The following MAGI2 variants were observed in gnomAD, a reference collection of about 807,000 sequenced individuals.
MAGI2 encodes membrane-associated guanylate kinase, WW and PDZ domain-containing protein 2.
Under a neutral mutation model 133.3 loss-of-function variants are expected in MAGI2, and 35 were observed. The ratio of observed to expected loss-of-function variants is 0.26; its 90% CI spans 0.20 to 0.35. MAGI2 has a LOEUF of 0.35. MAGI2 is among the 10% of genes least tolerant of loss of function. MAGI2 has a pLI of 1.00. For synonymous variants in MAGI2, 729 were observed against 710.6 expected (o/e 1.03, Z -0.41); for missense variants, 1,636 against 1,863.4 (o/e 0.88, Z 2.25).
At chr7:79,294,895 A>G (rs1268082505) in intron 1 of MAGI2, among the ~76,000 whole-genome samples, 12 of 150,796 alleles carry the variant, frequency 8.0e-5, no homozygotes, top group African/African-American at 1.9e-4. Context: ...ACTCCCGGCT[A>G]AATTTTTGTA....
chr7:79,184,781 T>G (rs1562971507), intron 1 of MAGI2, among the ~76,000 whole-genome samples: 1 of 151,902 alleles, frequency 6.6e-6, no homozygotes, highest in Non-Finnish European at 1.5e-5. Context: ...TGTAATATTC[T>G]CATTGCTGTT....
At chr7:79,361,850 G>A (rs1228296723) in intron 1 of MAGI2, among the ~76,000 whole-genome samples, 1 of 152,016 alleles carries the variant, frequency 6.6e-6, no homozygotes, top group African/African-American at 2.4e-5. Context: ...ATGGATCAAA[G>A]AGGAAGTTTC....
chr7:78,705,083 G>C (rs1818497695), intron 2 of MAGI2, among the ~76,000 whole-genome samples: 1 of 151,886 alleles, frequency 6.6e-6, no homozygotes, highest in Admixed American at 6.6e-5. Context: ...TTCCTTTTTG[G>C]GGGAAGAACT....
chr7:78,732,940 A>G (rs1288461860), intron 2 of MAGI2, among the ~76,000 whole-genome samples: 1 of 152,262 alleles, frequency 6.6e-6, no homozygotes, highest in East Asian at 1.9e-4. Flanking sequence ...GAGCTTTGCA[A>G]AGTTGATGTG....
chr7:78,696,056 C>T (rs1563367658), intron 2 of MAGI2, among the ~76,000 whole-genome samples: 1 of 152,154 alleles, frequency 6.6e-6, no homozygotes, highest in Admixed American at 6.5e-5. Context: ...CCACTTCAGC[C>T]TCCTGAGTAG....
chr7:79,138,884 T>C (rs1821854205), intron 1 of MAGI2, among the ~76,000 whole-genome samples: 1 of 146,442 alleles, frequency 6.8e-6, no homozygotes, highest in South Asian at 2.1e-4. Flanking sequence ...TTGGCCCCTG[T>C]AGAATGGCGT....
intron 2 of MAGI2, among the ~76,000 whole-genome samples, chr7:78,694,281 AT>A (rs1817270487): frequency 2.0e-5 from 3 of 152,190 alleles, no homozygotes; most frequent in Admixed American, 2.0e-4. Context: ...TTTCAGCCAA[AT>A]TATACACCTA....
chr7:78,389,043 T>TA (rs2151310161), intron 6 of MAGI2, among the ~76,000 whole-genome samples: 1 of 152,346 alleles, frequency 6.6e-6, no homozygotes, highest in Non-Finnish European at 1.5e-5. Flanking sequence ...AAGTGAAAGA[T>TA]AAAATCTGTG....
chr7:79,444,221 A>G (rs1228150216), intron 1 of MAGI2, among the ~76,000 whole-genome samples: 1 of 152,228 alleles, frequency 6.6e-6, no homozygotes, highest in Non-Finnish European at 1.5e-5. Flanking sequence ...TGAATGGGCA[A>G]AAACTGGAAG....
intron 21 of MAGI2, among the ~76,000 whole-genome samples, chr7:78,053,408 C>T (rs1348103383): frequency 6.6e-6 from 1 of 152,168 alleles, no homozygotes; most frequent in African/African-American, 2.4e-5. Context: ...CGGGAGGGGC[C>T]GTTCTCTGTC....
intron 2 of MAGI2, among the ~76,000 whole-genome samples, chr7:78,732,873 A>G (rs543194504): frequency 3.9e-4 from 60 of 152,244 alleles, no homozygotes; most frequent in Admixed American, 1.4e-3. Flanking sequence ...TAGAAATCAG[A>G]CCACCATAAA....
At chr7:78,335,535 C>A (rs763623779) in intron 9 of MAGI2, among the ~76,000 whole-genome samples, 1 of 152,056 alleles carries the variant, frequency 6.6e-6, no homozygotes, top group South Asian at 2.1e-4. Context: ...GACATGTGAG[C>A]ACCACACTCT....
At chr7:78,243,265 ACACACT>A (rs1363228854) in intron 10 of MAGI2, among the ~76,000 whole-genome samples, 212 of 42,200 alleles carry the variant, frequency 5.0e-3, no homozygotes, top group African/African-American at 0.012. Flanking sequence ...ACACACACAC[ACACACT>A]CTCTCTCTCT....
chr7:78,264,894 G>A (rs1035704099), intron 9 of MAGI2, among the ~76,000 whole-genome samples: 6 of 152,102 alleles, frequency 3.9e-5, no homozygotes, highest in Admixed American at 3.3e-4. Context: ...TAAGCCTATC[G>A]GGGCTTACCT....
chr7:79,252,156 CAAAAAAAAA>C (rs1208897198), intron 1 of MAGI2, among the ~76,000 whole-genome samples: 1 of 102,598 alleles, frequency 9.7e-6, no homozygotes, highest in Non-Finnish European at 1.8e-5. Context: ...GACCCTGTCT[CAAAAAAAAA>C]AAAAAAAAAA....
At chr7:79,294,367 C>A (rs1450319804) in intron 1 of MAGI2, among the ~76,000 whole-genome samples, 1 of 151,394 alleles carries the variant, frequency 6.6e-6, no homozygotes, top group Non-Finnish European at 1.5e-5. Context: ...AAAAAAAAAA[C>A]TCAGCAAAGC....
chr7:78,986,171 T>C (rs1384400410), intron 2 of MAGI2, among the ~76,000 whole-genome samples: 3 of 152,108 alleles, frequency 2.0e-5, no homozygotes, highest in Non-Finnish European at 4.4e-5. Context: ...TTCAAATTAC[T>C]TTTGCATGAA....
intron 1 of MAGI2, among the ~76,000 whole-genome samples, chr7:79,196,114 G>A (rs1484550297): frequency 9.2e-5 from 14 of 151,948 alleles, no homozygotes; most frequent in Admixed American, 1.3e-4. Flanking sequence ...TGATAGCTAT[G>A]TGAGGTAATG....
Position 78,399,936 on chromosome 7 carries a change from C to CAA in MAGI2, c.1046-30725_1046-30724dup, listed in dbSNP as rs5885056. On this transcript the variant is annotated intron_variant, in intron 6 of 21. Coordinates refer to ENST00000354212, the MANE Select transcript of MAGI2 (RefSeq NM_012301.4). The stretch of plus-strand genomic sequence containing the variant: ...CCAGAACTCTCAAGGTAAAACACAG[C>CAA]AAAAAAAAATAACAAAACAATTCAA... Among the ~76,000 whole-genome samples, 184 of 149,616 alleles carry CAA rather than the reference C, an allele frequency of 1.2e-3. 1 individual carries two copies. The highest frequency in any genetic ancestry group is 6.9e-3 in the Middle Eastern group (2 of 290).
Sources: gnomAD v4.1 joint callset for allele counts (sites outside exome capture counted in the v4.1 genomes callset) on GRCh38, gnomAD v4.1.1 for gene constraint, MANE v1.5 for transcripts, NCBI Gene and HGNC (gene_info 2026-07-23, HGNC 2026-07-21) for gene names.